Variants in HMGA2 observed in about 807,000 individuals in gnomAD.
HMGA2 encodes the protein high mobility group AT-hook 2.
Under a neutral mutation model 19.1 loss-of-function variants are expected in HMGA2, and 8 were observed. That is an observed-to-expected ratio of 0.42 (90% CI 0.25 to 0.76). The LOEUF (loss-of-function observed/expected upper bound fraction) is 0.76, where lower values mean the gene tolerates loss of function less well. Among genes scored for constraint, HMGA2 ranks in the 30% least tolerant of loss-of-function variants. HMGA2 has a pLI of 0.28. For missense variants in HMGA2, 109 were observed against 136.3 expected, an observed-to-expected ratio of 0.80 and a Z score of 1.00; for synonymous variants, 60 against 48.8, an observed-to-expected ratio of 1.23 and a Z score of -0.96.
chr12:65,962,806 A>G (rs1176262409), intron 4 of HMGA2, among the ~76,000 whole-genome samples: 2 of 152,220 alleles, frequency 1.3e-5, no homozygotes, highest in African/African-American at 2.4e-5. Flanking sequence ...TATTATTACC[A>G]GTATCTGGAG....
chr12:65,888,501 C>G (rs1873756963), intron 3 of HMGA2, among the ~76,000 whole-genome samples: 1 of 148,140 alleles, frequency 6.8e-6, no homozygotes, highest in African/African-American at 2.5e-5. Flanking sequence ...ATAAAACTAC[C>G]TTTGACTCAT....
At chr12:65,832,903 G>T (rs2120846681) in intron 2 of HMGA2, among the ~76,000 whole-genome samples, 1 of 152,074 alleles carries the variant, frequency 6.6e-6, no homozygotes, top group African/African-American at 2.4e-5. Context: ...TGATTACAAA[G>T]AAGTAGAGAG....
chr12:65,838,677 T>A (rs1036817551), intron 3 of HMGA2, 108 bp downstream of exon 3: 22 of 791,878 alleles, frequency 2.8e-5, no homozygotes, highest in Admixed American at 6.6e-5. Context: ...AACTTCTGGT[T>A]TGATGAATCT....
At chr12:65,853,595 T>C (rs562419963) in intron 3 of HMGA2, among the ~76,000 whole-genome samples, 1 of 152,212 alleles carries the variant, frequency 6.6e-6, no homozygotes, top group Non-Finnish European at 1.5e-5. Context: ...TCTATGGCTG[T>C]CTGTGACCTT....
At position 65,848,842 on chromosome 12, in the gene HMGA2, G is replaced by C. The variant is rs183575447; in HGVS notation, c.249+10273G>C. 2.7e-3 allele frequency among the ~76,000 whole-genome samples: 414 copies of C among 152,000 alleles called. 3 individuals are homozygous for C. The highest frequency in any genetic ancestry group is 9.8e-3 in the African/African-American group (405 of 41,422). On this transcript the variant is annotated intron_variant, in intron 3 of 4. Transcript: ENST00000403681. The stretch of plus-strand genomic sequence containing the variant: ...CTGCAGTCCGCAGTCCGACCTGGGC[G>C]ACAGAGCGAGACTCCGTCTCAAAAA...
intron 3 of HMGA2, among the ~76,000 whole-genome samples, chr12:65,880,771 T>C (rs1873331841): frequency 6.6e-6 from 1 of 152,126 alleles, no homozygotes; most frequent in Non-Finnish European, 1.5e-5. Context: ...GGGGTTTAGG[T>C]TTCTTTTACT....
Position 65,825,048 on chromosome 12 carries a change from C to T in HMGA2, c.-223C>T. ...GCCACCGGCAGCGCCTCCTCCTCTC[C>T]TCCTCCTCCTCCCCTCTTCTCTTTT... On this transcript the variant is annotated 5_prime_UTR_variant, in exon 1 of 5. Coordinates refer to ENST00000403681, the MANE Select transcript of HMGA2 (RefSeq NM_003483.6). The surrounding 1 kb of genome is among the most constrained non-coding windows in gnomAD (Gnocchi z 4.4). 1 of 461,446 alleles carries T rather than the reference C, an allele frequency of 2.2e-6. No individual in the cohort carries two copies. The highest frequency in any genetic ancestry group is 3.8e-6 in the Non-Finnish European group (1 of 260,958). 28.6% of individuals were successfully genotyped at this position (461,446 alleles called of 1,614,324 possible). A position where few individuals can be genotyped will look rare whatever the true frequency, so the allele number is the denominator to read the frequency against.
At chr12:65,868,435 G>A (rs914205590) in intron 3 of HMGA2, among the ~76,000 whole-genome samples, 3 of 151,956 alleles carry the variant, frequency 2.0e-5, no homozygotes, top group Admixed American at 1.3e-4. Context: ...ATATCATCCC[G>A]GATGCAGTCC....
At chr12:65,917,666 C>G (rs1321456287) in intron 3 of HMGA2, among the ~76,000 whole-genome samples, 4 of 152,190 alleles carry the variant, frequency 2.6e-5, no homozygotes, top group African/African-American at 9.6e-5. Flanking sequence ...AAGGAAGAGA[C>G]AGAAGGGGGA....
At chr12:65,884,171 A>T (rs930798370) in intron 3 of HMGA2, among the ~76,000 whole-genome samples, 1 of 152,100 alleles carries the variant, frequency 6.6e-6, no homozygotes, top group Non-Finnish European at 1.5e-5. Flanking sequence ...TGGCTCTCAT[A>T]TTTTTTATAT....
In HMGA2 at chr12:65,825,061, C is replaced by G; in HGVS notation, c.-210C>G. 1 of 495,462 alleles carries G rather than the reference C, an allele frequency of 2.0e-6. No homozygotes were observed. Among genetic ancestry groups the G allele is most frequent in the South Asian group, 2.7e-5 (1 of 36,408 alleles). 30.7% of individuals were successfully genotyped at this position (495,462 alleles called of 1,614,324 possible). ...CCTCCTCCTCTCCTCCTCCTCCTCC[C>G]CTCTTCTCTTTTTGGCAGCCGCTGG... On this transcript the variant is annotated 5_prime_UTR_variant, in exon 1 of 5. Coordinates refer to ENST00000403681, the MANE Select transcript of HMGA2 (RefSeq NM_003483.6). This position sits in a 1 kb window ranked among gnomAD's most constrained non-coding sequence, Gnocchi z 4.4.
At chr12:65,834,876 C>A (rs1253141233) in intron 2 of HMGA2, among the ~76,000 whole-genome samples, 2 of 152,138 alleles carry the variant, frequency 1.3e-5, no homozygotes, top group Non-Finnish European at 2.9e-5. Flanking sequence ...CTAAATATAT[C>A]ATAAAATTAA....
At chr12:65,843,589 C>T (rs200537658) in intron 3 of HMGA2, 51 of 174,894 alleles carry the variant, frequency 2.9e-4, no homozygotes, top group East Asian at 8.9e-4. Context: ...TTGAAGAACC[C>T]GGAAATCTGA....
At chr12:65,839,215 T>C (rs1037194710) in intron 3 of HMGA2, among the ~76,000 whole-genome samples, 32 of 152,082 alleles carry the variant, frequency 2.1e-4, no homozygotes, top group African/African-American at 7.5e-4. Context: ...CCTGTATCTT[T>C]TGAGGCCAGA....
At chr12:65,940,097 G>A (rs1426325855) in intron 3 of HMGA2, among the ~76,000 whole-genome samples, 1 of 151,808 alleles carries the variant, frequency 6.6e-6, no homozygotes, top group Non-Finnish European at 1.5e-5. Context: ...TATTATAGCA[G>A]GTGATAAACA....
intron 3 of HMGA2, among the ~76,000 whole-genome samples, chr12:65,889,967 A>G (rs1236122153): frequency 6.6e-6 from 1 of 152,152 alleles, no homozygotes; most frequent in African/African-American, 2.4e-5. Context: ...CAGTCCAGCC[A>G]TCTTCCTCCT....
intron 4 of HMGA2, chr12:65,957,483 A>C (rs1876636904): frequency 6.6e-6 from 1 of 152,152 alleles, no homozygotes; most frequent in African/African-American, 2.4e-5. Context: ...CTATTTAAAA[A>C]AAAAAAAAAT....
At chr12:65,903,711 G>C (rs1277202024) in intron 3 of HMGA2, among the ~76,000 whole-genome samples, 1 of 152,196 alleles carries the variant, frequency 6.6e-6, no homozygotes, top group Admixed American at 6.5e-5. Flanking sequence ...GAGGCTGTTT[G>C]TGTTCCAAGA....
chr12:65,942,601 A>C (rs1283539772), intron 3 of HMGA2: 3 of 152,124 alleles, frequency 2.0e-5, no homozygotes, highest in Non-Finnish European at 4.4e-5. Context: ...ATGAGATGAA[A>C]AGTCAACTTC....
Sources: allele counts gnomAD v4.1 joint callset (sites outside exome capture counted in the v4.1 genomes callset), GRCh38; gene constraint gnomAD v4.1.1; non-coding constraint Gnocchi (gnomAD v3.1); transcripts MANE v1.5; gene names NCBI Gene and HGNC (gene_info 2026-07-23, HGNC 2026-07-21).